Variants in ITGA11 observed in about 807,000 individuals in gnomAD.
The protein encoded by ITGA11 is integrin alpha-11.
In ITGA11, 97 loss-of-function variants were observed where a neutral mutation model predicts 141.9. That is an observed-to-expected ratio of 0.68 (90% CI 0.58 to 0.81). ITGA11 has a LOEUF of 0.81. Ranked by LOEUF, ITGA11 falls within the 30% of genes least tolerant of loss-of-function variation. The probability of loss-of-function intolerance (pLI) is 0.00; values close to 1 mark genes in which losing one functional copy is unlikely to be tolerated. For synonymous variants in ITGA11, 658 were observed against 624.6 expected, an observed-to-expected ratio of 1.05 and a Z score of -0.80; for missense variants, 1,387 against 1,559.2, an observed-to-expected ratio of 0.89 and a Z score of 1.86.
intron 10 of ITGA11, among the ~76,000 whole-genome samples, chr15:68,344,698 G>T (rs1894689776): frequency 6.6e-6 from 1 of 152,056 alleles, no homozygotes; most frequent in African/African-American, 2.4e-5. Context: ...CCCACACAGG[G>T]CTCAGCTGAA....
chr15:68,317,637 A>G (rs533843028), intron 20 of ITGA11, among the ~76,000 whole-genome samples: 2 of 152,174 alleles, frequency 1.3e-5, no homozygotes, highest in African/African-American at 2.4e-5. Context: ...TATGCGTCTC[A>G]TTTTGCTCAC....
At position 68,363,682 on chromosome 15, in the gene ITGA11, T is replaced by A. The variant is rs114860396; in HGVS notation, c.357+1025A>T. On this transcript the variant is annotated intron_variant, in intron 4 of 29. Coordinates refer to ENST00000315757, the MANE Select transcript of ITGA11 (RefSeq NM_001004439.2). ...TTGTACTGGGCTTTCTGGGGTAAAT[T>A]TTCTCTGAAGTCCTCTCCTGCAACT... Among the ~76,000 whole-genome samples, 224 of 152,278 alleles carry A rather than the reference T, an allele frequency of 1.5e-3. 1 individual carries two copies. Among genetic ancestry groups the A allele is most frequent in the African/African-American group, 5.3e-3 (221 of 41,550 alleles).
chr15:68,389,995 C>T (rs767891856), intron 2 of ITGA11, among the ~76,000 whole-genome samples: 6 of 152,162 alleles, frequency 3.9e-5, no homozygotes, highest in East Asian at 3.8e-4. Context: ...AATGTAAATG[C>T]GATAGTCATG....
At position 68,315,000 on chromosome 15, in the gene ITGA11, A is replaced by G. The variant is rs1036199450; in HGVS notation, c.2792+651T>C. Among the ~76,000 whole-genome samples, 9 of 152,216 alleles carry G rather than the reference A, an allele frequency of 5.9e-5. 1 individual carries two copies. Among genetic ancestry groups the G allele is most frequent in the Admixed American group, 4.6e-4 (7 of 15,280 alleles). Reference sequence around the variant, plus strand: ...TGCAAAAAAGAGAAGTGTATTTACTACTGACACAAAGTGATTCATGGGGTC... The same window carrying G: ...TGCAAAAAAGAGAAGTGTATTTACTGCTGACACAAAGTGATTCATGGGGTC... On this transcript the variant is annotated intron_variant, in intron 22 of 29. Coordinates refer to ENST00000315757, the MANE Select transcript of ITGA11 (RefSeq NM_001004439.2).
At chr15:68,383,219 C>G (rs1046885339) in intron 2 of ITGA11, among the ~76,000 whole-genome samples, 1 of 150,928 alleles carries the variant, frequency 6.6e-6, no homozygotes, top group Non-Finnish European at 1.5e-5. Context: ...TACAGTGAGC[C>G]GAGATCATGC....
intron 10 of ITGA11, among the ~76,000 whole-genome samples, chr15:68,346,414 G>A (rs890487788): frequency 6.6e-6 from 1 of 152,132 alleles, no homozygotes; most frequent in African/African-American, 2.4e-5. Context: ...TAGATTCCCC[G>A]ATTCCTAGGC....
intron 5 of ITGA11, 56 bp from the exon 6 acceptor site, chr15:68,358,641 G>A (rs1255154353): frequency 6.5e-7 from 1 of 1,546,590 alleles, no homozygotes; most frequent in African/African-American, 1.4e-5. Flanking sequence ...GCGAGTCTCT[G>A]ATTCTCTGGA....
At chr15:68,368,645 C>T (rs866673417) in intron 3 of ITGA11, among the ~76,000 whole-genome samples, 1 of 152,220 alleles carries the variant, frequency 6.6e-6, no homozygotes. Context: ...GAACTGGACG[C>T]CAAGCCCTGC....
At chr15:68,306,003 A>G (rs11072005) in intron 28 of ITGA11, among the ~76,000 whole-genome samples, 149,144 of 149,172 alleles carry the variant, frequency 1, 74,558 homozygotes, top group Middle Eastern at 1. Context: ...TGGCTAACAC[A>G]GTGAAACCCT....
intron 7 of ITGA11, among the ~76,000 whole-genome samples, chr15:68,352,910 C>T (rs754976218): frequency 3.3e-5 from 5 of 152,184 alleles, no homozygotes; most frequent in Non-Finnish European, 7.3e-5. Context: ...TGTGGCCGGC[C>T]CTCCTTTAGA....
intron 1 of ITGA11, among the ~76,000 whole-genome samples, chr15:68,421,826 AT>A (rs1208253463): frequency 6.6e-6 from 1 of 152,130 alleles, no homozygotes; most frequent in Non-Finnish European, 1.5e-5. Context: ...GTTTATTAAA[AT>A]TTTTTTAGAA....
intron 21 of ITGA11, 81 bp downstream of exon 21, chr15:68,317,184 T>C (rs1290660875): frequency 1.0e-6 from 1 of 958,510 alleles, no homozygotes; most frequent in Non-Finnish European, 1.7e-6. Flanking sequence ...TTCACTCTTG[T>C]TGCTCTTGCC....
intron 6 of ITGA11, 119 bp from the exon 7 acceptor site, chr15:68,357,418 G>T (rs557465678): frequency 1.7e-4 from 208 of 1,226,012 alleles, no homozygotes; most frequent in Middle Eastern, 6.1e-4. Context: ...AGGGAGGAGG[G>T]CTGAGGACCT....
intron 2 of ITGA11, among the ~76,000 whole-genome samples, chr15:68,396,045 T>C (rs1896230790): frequency 1.3e-5 from 2 of 151,960 alleles, no homozygotes; most frequent in South Asian, 4.2e-4. Flanking sequence ...TTTTATGAGC[T>C]CTGAATAACT....
rs766107429 is a variant in ITGA11, at chr15:68,307,548, C to T, written c.3285+38G>A. On this transcript the variant is annotated intron_variant, in intron 27 of 29. Transcript: ENST00000315757. The surrounding 1 kb of genome is among the most constrained non-coding windows in gnomAD (Gnocchi z 6.1). ...GACATCCCAACAGCCGCCCCCTTTC[C>T]CTTCTTCCTTCCAGCCCAGCCCAGG... 1.9e-6 allele frequency: 3 copies of T among 1,550,172 alleles called. No individual in the cohort carries two copies. The African/African-American group carries it at 4.1e-5, about 21-fold the overall frequency.
At chr15:68,431,143 G>T (rs564807232) in intron 1 of ITGA11, among the ~76,000 whole-genome samples, 1 of 152,364 alleles carries the variant, frequency 6.6e-6, no homozygotes, top group African/African-American at 2.4e-5. Context: ...CGGGGAGCCC[G>T]GTGTGGGACG....
chr15:68,364,904 C>T lies in ITGA11; in HGVS notation c.266-106G>A, dbSNP rs1567145779. ...GAGGTGCCTCCCCGATTCTCCCTGA[C>T]CCTGGGGACCTCTGGCTCTCAGGGT... On this transcript the variant is annotated intron_variant, in intron 3 of 29. Coordinates refer to ENST00000315757, the MANE Select transcript of ITGA11 (RefSeq NM_001004439.2). 9.2e-6 allele frequency: 10 copies of T among 1,087,404 alleles called. No individual in the cohort carries two copies. The South Asian group carries it at 1.3e-4, about 15-fold the overall frequency. The allele number at this position is 1,087,404 out of a possible 1,614,324, so 67.4% of individuals were successfully genotyped here. A position where few individuals can be genotyped will look rare whatever the true frequency, so the allele number is the denominator to read the frequency against.
intron 2 of ITGA11, among the ~76,000 whole-genome samples, chr15:68,388,489 G>A (rs542043234): frequency 1.6e-4 from 24 of 152,122 alleles, no homozygotes; most frequent in Middle Eastern, 3.4e-3. Context: ...CCATGGCACA[G>A]ATAACTATCT....
At chr15:68,366,324 A>G (rs961081891) in intron 3 of ITGA11, among the ~76,000 whole-genome samples, 1 of 151,906 alleles carries the variant, frequency 6.6e-6, no homozygotes, top group African/African-American at 2.4e-5. Context: ...AGGTGTAGAG[A>G]GGGTTAGTGA....
Sources: gnomAD v4.1 joint callset for allele counts (sites outside exome capture counted in the v4.1 genomes callset) on GRCh38, gnomAD v4.1.1 for gene constraint, Gnocchi (gnomAD v3.1) non-coding constraint, MANE v1.5 for transcripts, NCBI Gene and HGNC (gene_info 2026-07-23, HGNC 2026-07-21) for gene names.